Variants in NFYC observed in about 807,000 individuals in gnomAD.
The protein encoded by NFYC is nuclear transcription factor Y subunit gamma.
Under a neutral mutation model 53.1 loss-of-function variants are expected in NFYC, and 25 were observed. The ratio of observed to expected loss-of-function variants is 0.47; its 90% confidence interval spans 0.34 to 0.66. The LOEUF (loss-of-function observed/expected upper bound fraction) is 0.66. Among genes scored for constraint, NFYC ranks in the 30% least tolerant of loss-of-function variants. The probability of loss-of-function intolerance (pLI) is 0.01; values close to 1 mark genes in which losing one functional copy is unlikely to be tolerated. For missense variants in NFYC, 260 were observed against 422.7 expected, an observed-to-expected ratio of 0.62 and a Z score of 3.38; for synonymous variants, 145 against 152.6, an observed-to-expected ratio of 0.95 and a Z score of 0.37.
intron 7 of NFYC, among the ~76,000 whole-genome samples, chr1:40,764,623 C>T (rs1447514625): frequency 6.6e-6 from 1 of 152,226 alleles, no homozygotes; most frequent in Non-Finnish European, 1.5e-5. Context: ...GAATTCACTA[C>T]TTCATCTTCA....
chr1:40,758,633 G>A (rs1646364025), intron 6 of NFYC, among the ~76,000 whole-genome samples: 1 of 152,206 alleles, frequency 6.6e-6, no homozygotes, highest in Non-Finnish European at 1.5e-5. Flanking sequence ...CCTGCTGTCT[G>A]TGTGTCTGTG....
At chr1:40,732,361 C>G (rs947819875) in intron 1 of NFYC, among the ~76,000 whole-genome samples, 3 of 152,182 alleles carry the variant, frequency 2.0e-5, no homozygotes, top group African/African-American at 7.2e-5. Flanking sequence ...TCCTGTTGTT[C>G]CATGCCCAGG....
chr1:40,735,739 A>G, intron 1 of NFYC: 1 of 985,434 alleles, frequency 1.0e-6, no homozygotes, highest in Non-Finnish European at 1.2e-6. Flanking sequence ...CCAGGGACCC[A>G]TGCAATAAAA....
intron 2 of NFYC, among the ~76,000 whole-genome samples, chr1:40,742,054 C>A (rs1183869278): frequency 3.3e-5 from 5 of 151,856 alleles, no homozygotes; most frequent in Non-Finnish European, 2.9e-5. Context: ...TAGTTGTGCA[C>A]CACCACACCT....
At chr1:40,760,717 C>G (rs1339663170) in intron 6 of NFYC, among the ~76,000 whole-genome samples, 1 of 133,200 alleles carries the variant, frequency 7.5e-6, no homozygotes, top group African/African-American at 2.7e-5. Context: ...GAGACTGTCT[C>G]AAAAAAAAAA....
chr1:40,740,332 A>G (rs780781855), intron 2 of NFYC, among the ~76,000 whole-genome samples: 3 of 152,248 alleles, frequency 2.0e-5, no homozygotes, highest in Admixed American at 6.5e-5. Context: ...CTGTGGATAC[A>G]GTAATGAACC....
In NFYC at chr1:40,771,062, T is replaced by C. The variant is rs1647063541; in HGVS notation, c.*234T>C. On this transcript the variant is annotated 3_prime_UTR_variant, in exon 10 of 10. Coordinates refer to ENST00000447388, the MANE Select transcript of NFYC (RefSeq NM_014223.5). ...TCTCTAAGGAATCAATATTTCAATA[T>C]GTTGAGTGTGTGTCCAATGCTATGA... 1 of 579,080 alleles carries C rather than the reference T, an allele frequency of 1.7e-6. No individual in the cohort carries two copies. The highest frequency in any genetic ancestry group is 3.0e-5 in the Admixed American group (1 of 33,092). 35.9% of individuals were successfully genotyped at this position (579,080 alleles called of 1,614,324 possible).
In NFYC at chr1:40,766,723, A is replaced by C. The variant is rs181204862; in HGVS notation, c.828+20A>C. 5.9e-4 allele frequency: 943 copies of C among 1,606,126 alleles called. 12 individuals are homozygous for C. The East Asian group carries it at 8.6e-3, about 15-fold the overall frequency. ...CAACAGGTATGTGCCCCAGAGACAC[A>C]AGGCCTGTGTTGGAGACCAGGAGCA... On this transcript the variant is annotated intron_variant, in intron 8 of 9. Transcript: ENST00000447388.
In NFYC at chr1:40,762,949, C is replaced by A. The variant is rs767350562; in HGVS notation, c.623C>A (p.Pro208Gln). 1 of 1,611,362 alleles carries A rather than the reference C, an allele frequency of 6.2e-7. No homozygotes were observed. The highest frequency in any genetic ancestry group is 1.7e-5 in the Admixed American group (1 of 59,734). ...CAGGTGCAGATTGTCCAGGCTCAGC[C>A]ACAGGGTCAAGCCCAACAGGCCCAG... ...GQQVQIVQAQ[P>Q]QGQAQQAQSG... is the part of the protein sequence containing the mutation. The change falls in exon 7 of 10, where the codon CCA becomes CAA. Residue 208 changes from proline (P) to glutamine (Q), a missense_variant. By Grantham distance (76) the Pro-to-Gln change is moderately conservative (BLOSUM62 -1). Coordinates refer to ENST00000447388, the MANE Select transcript of NFYC (RefSeq NM_014223.5).
chr1:40,699,430 G>A (rs1282052975), intron 1 of NFYC, among the ~76,000 whole-genome samples: 1 of 152,056 alleles, frequency 6.6e-6, no homozygotes, highest in Non-Finnish European at 1.5e-5. Flanking sequence ...AGAGAGAAGG[G>A]GCTAATAAAG....
chr1:40,743,375 C>T (rs1414415729), intron 2 of NFYC, among the ~76,000 whole-genome samples: 2 of 152,212 alleles, frequency 1.3e-5, no homozygotes, highest in Non-Finnish European at 2.9e-5. Flanking sequence ...CTGGGAACAG[C>T]AAATAACAGA....
chr1:40,760,081 G>A (rs1028272586), intron 6 of NFYC, among the ~76,000 whole-genome samples: 4 of 152,130 alleles, frequency 2.6e-5, no homozygotes, highest in Admixed American at 2.6e-4. Context: ...TCAGCCTCCC[G>A]AGGAGCTGGG....
intron 8 of NFYC, 30 bp downstream of exon 8, chr1:40,766,733 T>C (rs1457386701): frequency 6.3e-7 from 1 of 1,594,114 alleles, no homozygotes. Context: ...AAGGCCTGTG[T>C]TGGAGACCAG....
At chr1:40,714,289 T>C (rs1340885529) in intron 1 of NFYC, among the ~76,000 whole-genome samples, 1 of 152,236 alleles carries the variant, frequency 6.6e-6, no homozygotes, top group Non-Finnish European at 1.5e-5. Flanking sequence ...TCATTGTTTA[T>C]AGACACCCAA....
chr1:40,729,932 T>C (rs1479712979), intron 1 of NFYC, among the ~76,000 whole-genome samples: 2 of 152,164 alleles, frequency 1.3e-5, no homozygotes, highest in Non-Finnish European at 2.9e-5. Flanking sequence ...CGCCTCGGCC[T>C]CCCAAAGTGC....
rs116167639 is a variant in NFYC at position 40,737,313 on chromosome 1, C to G, written c.-8-1523C>G. On this transcript the variant is annotated intron_variant, in intron 1 of 9. Transcript: ENST00000447388. ...AATTGCAGGTTCTAGCCCTCTTTCT[C>G]TATCCTAATTTTAATTCTACTTTTT... Among the ~76,000 whole-genome samples, 746 of 147,330 alleles carry G rather than the reference C, an allele frequency of 5.1e-3. 5 individuals are homozygous for G. Among genetic ancestry groups the G allele is most frequent in the African/African-American group, 0.018 (722 of 39,604 alleles).
At chr1:40,714,680 T>C (rs1389634920) in intron 1 of NFYC, among the ~76,000 whole-genome samples, 1 of 151,980 alleles carries the variant, frequency 6.6e-6, no homozygotes, top group Non-Finnish European at 1.5e-5. Context: ...AGTGGTGTAA[T>C]CATAGATCAC....
At chr1:40,730,180 A>C (rs1644700417) in intron 1 of NFYC, among the ~76,000 whole-genome samples, 2 of 139,618 alleles carry the variant, frequency 1.4e-5, no homozygotes, top group Admixed American at 7.3e-5. Flanking sequence ...GGACTGGCTA[A>C]TTTTTCTTTC....
intron 1 of NFYC, among the ~76,000 whole-genome samples, chr1:40,734,614 G>T (rs1024267382): frequency 1.3e-5 from 2 of 152,110 alleles, no homozygotes; most frequent in African/African-American, 4.8e-5. Flanking sequence ...ACCCGCCTTG[G>T]CCTCCCAAAG....
Sources: gnomAD v4.1 joint callset for allele counts (sites outside exome capture counted in the v4.1 genomes callset) on GRCh38, gnomAD v4.1.1 for gene constraint, MANE v1.5 for transcripts, NCBI Gene and HGNC (gene_info 2026-07-23, HGNC 2026-07-21) for gene names.